Variants in TACC2 observed in about 807,000 individuals in gnomAD.
The protein encoded by TACC2 is transforming acidic coiled-coil containing protein 2, also known as transforming acidic coiled-coil-containing protein 2.
In TACC2, 137 loss-of-function variants were observed where a neutral mutation model predicts 227.3. The observed-to-expected ratio is 0.60, with a 90% CI of 0.52 to 0.69. TACC2 has a LOEUF of 0.69. TACC2 is among the 30% of genes least tolerant of loss of function. The probability of loss-of-function intolerance (pLI) is 0.00; values close to 1 mark genes in which losing one functional copy is unlikely to be tolerated. For synonymous variants in TACC2, 1,523 were observed against 1,487.5 expected, an observed-to-expected ratio of 1.02 and a Z score of -0.55; for missense variants, 3,470 against 3,694.4, an observed-to-expected ratio of 0.94 and a Z score of 1.57.
rs556576687 is a variant in TACC2, at chr10:122,206,447, T to G, written c.5972-3950T>G. On this transcript the variant is annotated intron_variant, in intron 8 of 22. Transcript: ENST00000369005. ...GAATGGGTTCATACGGGTGGGGCCCTAAGCCCATGGGGACCAGTGTTCCTA... is the reference window on the plus strand; with the variant it reads ...GAATGGGTTCATACGGGTGGGGCCCGAAGCCCATGGGGACCAGTGTTCCTA... Among the ~76,000 whole-genome samples, 4 of 152,276 alleles carry G rather than the reference T, an allele frequency of 2.6e-5. No individual in the cohort carries two copies. In the South Asian group the frequency reaches 8.3e-4, roughly 32 times the overall value.
At chr10:122,148,848 T>C (rs2091716651) in intron 7 of TACC2, among the ~76,000 whole-genome samples, 1 of 152,162 alleles carries the variant, frequency 6.6e-6, no homozygotes, top group Non-Finnish European at 1.5e-5. Flanking sequence ...AGATGTGACT[T>C]TGAGAGGGAG....
At position 122,210,764 on chromosome 10, in the gene TACC2, T is replaced by C. The variant is rs777412834; in HGVS notation, c.6339T>C (p.Tyr2113=). The C allele has an allele frequency of 6.2e-7, 1 of 1,613,726 alleles. No individual in the cohort carries two copies. Among genetic ancestry groups the C allele is most frequent in the Non-Finnish European group, 8.5e-7 (1 of 1,179,962 alleles). Residue 2113 remains tyrosine (Y), a synonymous_variant, in exon 9 of 23, where the codon TAT becomes TAC. Transcript: ENST00000369005. This position sits in a 1 kb window ranked among gnomAD's most constrained non-coding sequence, Gnocchi z 4.6. The stretch of plus-strand genomic sequence containing the variant: ...CCGTGGCCCTTGCCCCAGATGCATA[T>C]AGCACGGGTTCCAGCAGTGCTTCTA... The part of the protein sequence containing the change: ...PEAVALAPDA[Y]STGSSSASST...
chr10:122,083,978 C>G lies in TACC2; in HGVS notation c.1478C>G (p.Ser493Ter). The change falls in exon 4 of 23, where the codon TCA becomes TGA. Residue 493 changes from serine (S) to a stop codon, truncating the protein, a stop_gained. Transcript: ENST00000369005. LOFTEE classifies it high-confidence loss of function. ...GACCCTGGAGAGGTTCCTGCCCCAT[C>G]ACCCCAGGAGAGGGGAGAGCACTTG... is the stretch of plus-strand genomic sequence containing the variant. ...EGDPGEVPAP[S>*]PQERGEHLNT... The G allele has an allele frequency of 1.2e-6, 2 of 1,614,044 alleles. No individual in the cohort carries two copies. Among genetic ancestry groups the G allele is most frequent in the Non-Finnish European group, 1.7e-6 (2 of 1,179,978 alleles).
chr10:122,025,405 C>T (rs191324763), intron 2 of TACC2, among the ~76,000 whole-genome samples: 36 of 151,102 alleles, frequency 2.4e-4, no homozygotes, highest in African/African-American at 7.8e-4. Context: ...GGATTACACG[C>T]GCATGCCACC....
At position 122,194,124 on chromosome 10, in the gene TACC2, G is replaced by T. The variant is rs1218502497; in HGVS notation, c.5835-916G>T. 1.3e-5 allele frequency among the ~76,000 whole-genome samples: 2 copies of T among 152,126 alleles called. No individual in the cohort carries two copies. Among genetic ancestry groups the T allele is most frequent in the Non-Finnish European group, 2.9e-5 (2 of 68,030 alleles). Reference sequence around the variant, plus strand: ...CTTTTTATAGAAATAGGGCCTCACTGTGTTGCCCAGGCTGGTCTCAAATGC... The same window carrying T: ...CTTTTTATAGAAATAGGGCCTCACTTTGTTGCCCAGGCTGGTCTCAAATGC... On this transcript the variant is annotated intron_variant, in intron 7 of 22. Transcript: ENST00000369005. The surrounding 1 kb of genome is among the most constrained non-coding windows in gnomAD (Gnocchi z 4.4).
chr10:122,215,865 C>A (rs1164657125), intron 10 of TACC2, among the ~76,000 whole-genome samples: 2 of 152,178 alleles, frequency 1.3e-5, no homozygotes, highest in Admixed American at 1.3e-4. Context: ...AAAAGGGAAG[C>A]CCCTCCCCTA....
At chr10:122,016,078 T>C (rs1956573467) in intron 1 of TACC2, among the ~76,000 whole-genome samples, 1 of 150,384 alleles carries the variant, frequency 6.6e-6, no homozygotes, top group African/African-American at 2.5e-5. Flanking sequence ...CTGGGCAACA[T>C]GGCGAAACCT....
chr10:122,024,042 G>T (rs1173137233), intron 2 of TACC2, among the ~76,000 whole-genome samples: 1 of 152,140 alleles, frequency 6.6e-6, no homozygotes, highest in Non-Finnish European at 1.5e-5. Context: ...ATTATTTTGA[G>T]ATATTAGTAG....
At chr10:122,101,444 G>T (rs903282953) in intron 5 of TACC2, among the ~76,000 whole-genome samples, 5 of 152,096 alleles carry the variant, frequency 3.3e-5, no homozygotes, top group African/African-American at 1.2e-4. Flanking sequence ...TGTTTAGCTG[G>T]GCAGGGTGGC....
chr10:122,218,530 C>T (rs1316399183), intron 11 of TACC2, among the ~76,000 whole-genome samples: 1 of 152,202 alleles, frequency 6.6e-6, no homozygotes, highest in African/African-American at 2.4e-5. Flanking sequence ...TATGGTAGAT[C>T]TATTTCATGT....
chr10:122,248,248 A>C (rs1300906412), intron 19 of TACC2: 2 of 191,124 alleles, frequency 1.0e-5, no homozygotes, highest in African/African-American at 4.6e-5. Flanking sequence ...CAGACCTCAC[A>C]CCCTTTAATC....
intron 8 of TACC2, among the ~76,000 whole-genome samples, chr10:122,197,402 C>T (rs532877870): frequency 1.3e-5 from 2 of 152,260 alleles, no homozygotes; most frequent in East Asian, 1.9e-4. Context: ...GACATCCTGC[C>T]AGCTCTGGGA....
chr10:122,175,240 T>C (rs2093645949), intron 7 of TACC2, among the ~76,000 whole-genome samples: 1 of 152,194 alleles, frequency 6.6e-6, no homozygotes, highest in African/African-American at 2.4e-5. Flanking sequence ...CAGGCATGAG[T>C]CACTGCACCT....
At position 122,086,578 on chromosome 10, in the gene TACC2, G is replaced by C. The variant is rs1240476299; in HGVS notation, c.4078G>C (p.Glu1360Gln). 4 of 1,600,958 alleles carry C rather than the reference G, an allele frequency of 2.5e-6. No homozygotes were observed. The Admixed American group carries it at 6.7e-5, about 27-fold the overall frequency. The stretch of plus-strand genomic sequence containing the variant: ...AGGTGCAGGTGCCAAGGCCAGTGGG[G>C]AGGGCATGGCAGGTGATGCAGCAGG... Reference protein sequence around the residue: ...APGAGAKASGEGMAGDAAGET... With the variant: ...APGAGAKASGQGMAGDAAGET... The change falls in exon 4 of 23, where the codon GAG (glutamate) becomes CAG (glutamine). Residue 1360 changes from glutamate to glutamine, a missense_variant. Transcript: ENST00000369005.
intron 3 of TACC2, among the ~76,000 whole-genome samples, chr10:122,082,375 A>T (rs543053291): frequency 4.6e-5 from 7 of 152,080 alleles, no homozygotes; most frequent in Non-Finnish European, 1.0e-4. Context: ...GAGTTGCCAC[A>T]TTTCTCTATT....
chr10:122,219,334 T>C (rs552590478), intron 11 of TACC2, among the ~76,000 whole-genome samples: 3 of 152,092 alleles, frequency 2.0e-5, no homozygotes, highest in Non-Finnish European at 4.4e-5. Context: ...CAGTGCTTGA[T>C]CTGGGCTGAG....
At chr10:122,245,163 G>A (rs2096082329) in intron 19 of TACC2, 1 of 152,130 alleles carries the variant, frequency 6.6e-6, no homozygotes, top group South Asian at 2.1e-4. Context: ...TTTGCTTTGT[G>A]TATTGCTGCA....
intron 2 of TACC2, among the ~76,000 whole-genome samples, chr10:122,029,999 CAG>C (rs899586894): frequency 6.6e-6 from 1 of 151,998 alleles, no homozygotes; most frequent in African/African-American, 2.4e-5. Context: ...TGTCACAACT[CAG>C]AGATGGGGTG....
chr10:122,137,445 G>C (rs2089883019), intron 6 of TACC2, among the ~76,000 whole-genome samples: 2 of 151,994 alleles, frequency 1.3e-5, no homozygotes. Context: ...ACCAGGCTGA[G>C]AGCCTGGTTG....
Sources: allele counts gnomAD v4.1 joint callset (sites outside exome capture counted in the v4.1 genomes callset), GRCh38; gene constraint gnomAD v4.1.1; non-coding constraint Gnocchi (gnomAD v3.1); transcripts MANE v1.5; gene names NCBI Gene and HGNC (gene_info 2026-07-23, HGNC 2026-07-21).